LAMC3: variants seen among roughly 807,000 people sequenced by gnomAD.
The protein encoded by LAMC3 is laminin subunit gamma-3.
In LAMC3, 128 loss-of-function variants were observed where a neutral mutation model predicts 173.8. The observed-to-expected ratio is 0.74, with a 90% confidence interval of 0.64 to 0.85. The LOEUF is 0.85. Ranked by LOEUF, LAMC3 falls within the 40% of genes least tolerant of loss-of-function variation. The pLI, the probability that LAMC3 is intolerant of heterozygous loss-of-function variation, is 0.00. For synonymous variants in LAMC3, 897 were observed against 909.1 expected (o/e 0.99, Z 0.24); for missense variants, 2,022 against 2,156.0 (o/e 0.94, Z 1.23).
intron 1 of LAMC3, among the ~76,000 whole-genome samples, chr9:131,017,719 CAAAAAAAAA>C (rs34153382): frequency 5.7e-5 from 2 of 35,064 alleles, no homozygotes; most frequent in Non-Finnish European, 9.8e-5. Context: ...AAGACTGTCT[CAAAAAAAAA>C]AAAAAAAAAA....
At chr9:131,064,580 G>A (rs1012799147) in intron 13 of LAMC3, among the ~76,000 whole-genome samples, 5 of 151,474 alleles carry the variant, frequency 3.3e-5, no homozygotes, top group African/African-American at 7.3e-5. Context: ...GGAGAATGGC[G>A]TGAACCCCGG....
At chr9:131,062,800 C>T (rs1219635741) in intron 13 of LAMC3, among the ~76,000 whole-genome samples, 2 of 151,382 alleles carry the variant, frequency 1.3e-5, no homozygotes, top group Non-Finnish European at 2.9e-5. Context: ...ACCCAGGAGG[C>T]GGAGTTTGCA....
In LAMC3 at chr9:131,032,156, G is replaced by T. The variant is rs184447346; in HGVS notation, c.790G>T (p.Asp264Tyr). Residue 264 changes from aspartate to tyrosine, a missense_variant, in exon 3 of 28, where the codon GAC (aspartate) becomes TAC (tyrosine). Physicochemically the swap from Asp to Tyr is radical, Grantham distance 160. Coordinates refer to ENST00000361069, the MANE Select transcript of LAMC3 (RefSeq NM_006059.4). Reference sequence around the variant, plus strand: ...CCAGTCCTACTATTATGCCGTGTCCGACTTCTCTGTGGGCGGCAGGTAGGA... The same window carrying T: ...CCAGTCCTACTATTATGCCGTGTCCTACTTCTCTGTGGGCGGCAGGTAGGA... Reference protein sequence around the residue: ...VLQSYYYAVSDFSVGGRCKCN... With the variant: ...VLQSYYYAVSYFSVGGRCKCN... The T allele has an allele frequency of 1.3e-6, 2 of 1,583,070 alleles. No individual in the cohort carries two copies. The highest frequency in any genetic ancestry group is 1.7e-6 in the Non-Finnish European group (2 of 1,161,046).
At chr9:131,057,827 G>A (rs751214428) in intron 12 of LAMC3, among the ~76,000 whole-genome samples, 3 of 152,358 alleles carry the variant, frequency 2.0e-5, no homozygotes, top group African/African-American at 4.8e-5. Flanking sequence ...TTAGGGAAGC[G>A]CAGATAATGA....
intron 2 of LAMC3, among the ~76,000 whole-genome samples, chr9:131,031,755 A>G (rs1833828464): frequency 6.6e-6 from 1 of 152,162 alleles, no homozygotes. Flanking sequence ...CCTCCCCCAG[A>G]CATGTTTGTA....
At chr9:131,030,449 T>A (rs1833804985) in intron 2 of LAMC3, among the ~76,000 whole-genome samples, 1 of 152,146 alleles carries the variant, frequency 6.6e-6, no homozygotes, top group Non-Finnish European at 1.5e-5. Flanking sequence ...ACTGGCATGA[T>A]AAGGGCTTTG....
chr9:131,078,365 G>A (rs185167650), intron 22 of LAMC3, among the ~76,000 whole-genome samples: 2 of 152,098 alleles, frequency 1.3e-5, no homozygotes, highest in East Asian at 1.9e-4. Flanking sequence ...GGTGGCGGGC[G>A]TCTGTAGTCC....
At chr9:131,046,518 ATTTTTT>A (rs71501242) in intron 8 of LAMC3, among the ~76,000 whole-genome samples, 1,044 of 49,142 alleles carry the variant, frequency 0.021, 11 homozygotes, top group African/African-American at 0.066. Context: ...TAATTTTTGT[ATTTTTT>A]TTTTTTTTTT....
chr9:131,042,205 A>G (rs1313313186), intron 7 of LAMC3, among the ~76,000 whole-genome samples: 1 of 151,830 alleles, frequency 6.6e-6, no homozygotes, highest in Non-Finnish European at 1.5e-5. Context: ...CTCATGGAGT[A>G]TTATCAACGC....
chr9:131,092,352 C>T lies in LAMC3; in HGVS notation c.*565C>T, dbSNP rs142415705. On this transcript the variant is annotated 3_prime_UTR_variant, in exon 28 of 28. Transcript: ENST00000361069. Reference sequence around the variant, plus strand: ...GCTGCCCTCTGTTTCACAGCAGCTCCCTGACCTGTGTTGCTGCGTGCACTC... The same window carrying T: ...GCTGCCCTCTGTTTCACAGCAGCTCTCTGACCTGTGTTGCTGCGTGCACTC... 160 of 168,282 alleles carry T rather than the reference C, an allele frequency of 9.5e-4. 1 individual carries two copies. Among genetic ancestry groups the T allele is most frequent in the African/African-American group, 3.7e-3 (156 of 42,096 alleles). 10.4% of individuals were successfully genotyped at this position (168,282 alleles called of 1,614,324 possible). A position where few individuals can be genotyped will look rare whatever the true frequency, so the allele number is the denominator to read the frequency against.
chr9:131,061,517 ACAAGTT>A (rs1829823942), intron 13 of LAMC3, among the ~76,000 whole-genome samples: 1 of 152,216 alleles, frequency 6.6e-6, no homozygotes, highest in African/African-American at 2.4e-5. Flanking sequence ...TGATAGCTGA[ACAAGTT>A]CCCTGGGTGA....
intron 13 of LAMC3, among the ~76,000 whole-genome samples, chr9:131,062,051 CA>C (rs889774660): frequency 6.6e-6 from 1 of 151,444 alleles, no homozygotes; most frequent in African/African-American, 2.4e-5. Context: ...ACCCTATATC[CA>C]AAAAAAATTT....
intron 24 of LAMC3, 66 bp from the exon 25 acceptor site, chr9:131,085,458 G>A (rs1303449647): frequency 7.1e-6 from 11 of 1,543,716 alleles, no homozygotes; most frequent in African/African-American, 2.7e-5. Context: ...CTCTGCCAGC[G>A]GCTGCCTGGG....
At position 131,026,602 on chromosome 9, in the gene LAMC3, C is replaced by T. The variant is rs562381839; in HGVS notation, c.678+13C>T. On this transcript the variant is annotated intron_variant, in intron 2 of 27. Coordinates refer to ENST00000361069, the MANE Select transcript of LAMC3 (RefSeq NM_006059.4). The surrounding 1 kb of genome is among the most constrained non-coding windows in gnomAD (Gnocchi z 4.8). ...CCCTGGGCTGCAGGTCAGGGAGGAG[C>T]GGGGCTTCGGAGGTTGGGACGGGGT... 353 of 1,562,406 alleles carry T rather than the reference C, an allele frequency of 2.3e-4. No homozygotes were observed. Among genetic ancestry groups the T allele is most frequent in the Non-Finnish European group, 2.9e-4 (332 of 1,154,304 alleles).
intron 3 of LAMC3, among the ~76,000 whole-genome samples, chr9:131,034,202 G>A (rs1348471574): frequency 6.6e-6 from 1 of 152,164 alleles, no homozygotes; most frequent in Non-Finnish European, 1.5e-5. Context: ...TGGAGCCCGT[G>A]GAGTCTCACT....
At chr9:131,037,734 T>C (rs1255932173) in intron 4 of LAMC3, among the ~76,000 whole-genome samples, 1 of 152,188 alleles carries the variant, frequency 6.6e-6, no homozygotes, top group African/African-American at 2.4e-5. Flanking sequence ...GCTCAAGCAG[T>C]CCTCCTACCT....
Position 131,072,729 on chromosome 9 carries a change from C to T in LAMC3, c.3311C>T (p.Ala1104Val), listed in dbSNP as rs768974611. 4 of 1,612,596 alleles carry T rather than the reference C, an allele frequency of 2.5e-6. No homozygotes were observed. Reference sequence around the variant, plus strand: ...AGGCTGAACAAGGGTGCCCGCTGTGCCCAGGCCGGATCCCAGAAGACCTGC... The same window carrying T: ...AGGCTGAACAAGGGTGCCCGCTGTGTCCAGGCCGGATCCCAGAAGACCTGC... Reference protein sequence around the residue: ...LQRLNKGARCAQAGSQKTCTQ... With the variant: ...LQRLNKGARCVQAGSQKTCTQ... The change falls in exon 19 of 28, where the codon GCC becomes GTC. Residue 1104 changes from alanine to valine, a missense_variant. Ala to Val is a moderately conservative substitution (Grantham distance 64). Coordinates refer to ENST00000361069, the MANE Select transcript of LAMC3 (RefSeq NM_006059.4).
chr9:131,087,960 A>G, intron 27 of LAMC3, 143 bp downstream of exon 27: 2 of 755,220 alleles, frequency 2.6e-6, no homozygotes, highest in South Asian at 1.5e-5. Flanking sequence ...GTGGTCAATC[A>G]CAAGCATTTA....
chr9:131,026,426 G>T lies in LAMC3; in HGVS notation c.515G>T (p.Gly172Val), dbSNP rs776634129. ...AGCGCCTCCTGCCAGAAGACCTACGGCCGGCCCGAGGGCCAGTACCTGCGC... is the reference window on the plus strand; with the variant it reads ...AGCGCCTCCTGCCAGAAGACCTACGTCCGGCCCGAGGGCCAGTACCTGCGC... Reference protein sequence around the residue: ...FYSASCQKTYGRPEGQYLRPG... With the variant: ...FYSASCQKTYVRPEGQYLRPG... The change falls in exon 2 of 28, where the codon GGC (glycine) becomes GTC (valine). Residue 172 changes from glycine to valine, a missense_variant. Coordinates refer to ENST00000361069, the MANE Select transcript of LAMC3 (RefSeq NM_006059.4). This position sits in a 1 kb window ranked among gnomAD's most constrained non-coding sequence, Gnocchi z 4.8. 4.3e-6 allele frequency: 7 copies of T among 1,613,704 alleles called. No homozygotes were observed. The highest frequency in any genetic ancestry group is 5.9e-6 in the Non-Finnish European group (7 of 1,179,936).
Sources: gnomAD v4.1 joint callset for allele counts (sites outside exome capture counted in the v4.1 genomes callset) on GRCh38, gnomAD v4.1.1 for gene constraint, Gnocchi (gnomAD v3.1) non-coding constraint, MANE v1.5 for transcripts, NCBI Gene and HGNC (gene_info 2026-07-23, HGNC 2026-07-21) for gene names.